Variants in ZNF469 observed in about 807,000 individuals in gnomAD.
ZNF469 encodes zinc finger protein 469.
ZNF469 carries 1 observed loss-of-function variant against 1.0 expected under a neutral mutation model. The ratio of observed to expected loss-of-function variants is 1.00; its 90% CI spans 0.35 to 4.73. The LOEUF is 4.73. ZNF469 is among the 30% of genes most tolerant of loss of function. The pLI, the probability that ZNF469 is intolerant of heterozygous loss-of-function variation, is 0.16. For missense variants in ZNF469, 6,100 were observed against 5,356.3 expected, an observed-to-expected ratio of 1.14 and a Z score of -4.33; for synonymous variants, 2,703 against 2,363.4, an observed-to-expected ratio of 1.14 and a Z score of -4.17.
At chr16:88,204,357 T>C in the ZNF469 span, among the ~76,000 whole-genome samples, 1 of 152,198 alleles carries the variant, frequency 6.6e-6, no homozygotes, top group African/African-American at 2.4e-5. Flanking sequence ...AGGCCTTGTC[T>C]GTTTTTCTGG....
the ZNF469 span, among the ~76,000 whole-genome samples, chr16:88,118,655 C>T: frequency 6.6e-6 from 1 of 152,208 alleles, no homozygotes; most frequent in African/African-American, 2.4e-5. Context: ...CTCAGATTCC[C>T]GACTCTACGG....
the ZNF469 span, among the ~76,000 whole-genome samples, chr16:88,298,419 G>A: frequency 6.6e-6 from 1 of 152,206 alleles, no homozygotes; most frequent in Non-Finnish European, 1.5e-5. Flanking sequence ...TGTTCACTGA[G>A]TTCCAAGAGA....
At chr16:88,163,523 TG>T in the ZNF469 span, among the ~76,000 whole-genome samples, 2 of 150,762 alleles carry the variant, frequency 1.3e-5, no homozygotes, top group Non-Finnish European at 3.0e-5. Context: ...GATGGATGGA[TG>T]GATGGATGGA....
chr16:88,132,996 A>G, the ZNF469 span, among the ~76,000 whole-genome samples: 2 of 152,220 alleles, frequency 1.3e-5, no homozygotes, highest in Non-Finnish European at 2.9e-5. Context: ...TGCGGTGGGC[A>G]TGCTGGGAGA....
At position 88,433,585 on chromosome 16, in the gene ZNF469, T is replaced by G. The variant is rs1375255779; in HGVS notation, c.6115T>G (p.Cys2039Gly). The change falls in exon 3 of 3, where the codon TGC becomes GGC. Residue 2039 changes from cysteine to glycine, a missense_variant. Coordinates refer to ENST00000565624, the MANE Select transcript of ZNF469 (RefSeq NM_001367624.2). ...PTEGAVLLEK[C>G]KGSRAAMSLQ... ...CGAGGGTGCAGTCCTGCTAGAGAAA[T>G]GCAAGGGAAGCAGGGCAGCCATGAG... 1 of 1,550,078 alleles carries G rather than the reference T, an allele frequency of 6.5e-7. No homozygotes were observed. Among genetic ancestry groups the G allele is most frequent in the East Asian group, 2.4e-5 (1 of 40,898 alleles).
At chr16:88,195,675 C>G in the ZNF469 span, among the ~76,000 whole-genome samples, 1 of 152,126 alleles carries the variant, frequency 6.6e-6, no homozygotes, top group Non-Finnish European at 1.5e-5. Context: ...GGCAGATGGA[C>G]GTTTGAAGAA....
the ZNF469 span, among the ~76,000 whole-genome samples, chr16:88,231,704 G>A: frequency 6.6e-6 from 1 of 151,948 alleles, no homozygotes; most frequent in Middle Eastern, 3.2e-3. The surrounding 1 kb of genome is among the most constrained non-coding windows in gnomAD (Gnocchi z 4.5). Context: ...CTCCTCCTGT[G>A]AGCCCCCCGC....
the ZNF469 span, among the ~76,000 whole-genome samples, chr16:88,220,308 G>T: frequency 6.6e-6 from 1 of 152,150 alleles, no homozygotes; most frequent in Non-Finnish European, 1.5e-5. Context: ...GTGTGCAGCC[G>T]GTGTGACGCC....
the ZNF469 span, among the ~76,000 whole-genome samples, chr16:88,317,955 G>A: frequency 7.9e-5 from 12 of 152,342 alleles, no homozygotes; most frequent in South Asian, 4.1e-4. Context: ...TGAGGTCCCC[G>A]TGCCTTGGCA....
chr16:88,430,476 C>A lies in ZNF469; in HGVS notation c.3006C>A (p.Pro1002=). 1 of 1,444,054 alleles carries A rather than the reference C, an allele frequency of 6.9e-7. No individual in the cohort carries two copies. Among genetic ancestry groups the A allele is most frequent in the Non-Finnish European group, 9.0e-7 (1 of 1,108,558 alleles). The allele number at this position is 1,444,054 out of a possible 1,614,324, so 89.5% of individuals were successfully genotyped here. Residue 1002 remains proline (P), a synonymous_variant, in exon 3 of 3, where the codon CCC becomes CCA. Coordinates refer to ENST00000565624, the MANE Select transcript of ZNF469 (RefSeq NM_001367624.2). ...PRPRRPRTQA[P]GSRADPAPRV... Reference sequence around the variant, plus strand: ...CCCGGCGCCCTAGAACGCAGGCCCCCGGGAGCCGCGCAGACCCCGCGCCCC... The same window carrying A: ...CCCGGCGCCCTAGAACGCAGGCCCCAGGGAGCCGCGCAGACCCCGCGCCCC...
chr16:88,393,714 T>C (rs988688668), intron 1 of ZNF469, among the ~76,000 whole-genome samples: 1 of 152,202 alleles, frequency 6.6e-6, no homozygotes, highest in Non-Finnish European at 1.5e-5. Context: ...GTATCACAAG[T>C]CCTGCCTTCA....
chr16:88,387,700 C>T (rs993816548), intron 1 of ZNF469, among the ~76,000 whole-genome samples: 1 of 152,146 alleles, frequency 6.6e-6, no homozygotes, highest in Admixed American at 6.5e-5. Flanking sequence ...CGAGGAGAGC[C>T]CGCAGGCCAG....
Position 88,432,282 on chromosome 16 carries a change from G to A in ZNF469, c.4812G>A (p.Glu1604=). Residue 1604 remains glutamate, a synonymous_variant, in exon 3 of 3, where the codon GAG becomes GAA. Transcript: ENST00000565624. ...GGGTGGAGCTCGGCACAGGCACAGAGCCACCCTCCCAACGGCGCACCTGCC... is the reference window on the plus strand; with the variant it reads ...GGGTGGAGCTCGGCACAGGCACAGAACCACCCTCCCAACGGCGCACCTGCC... ...VGRVELGTGT[E]PPSQRRTCQA... The A allele has an allele frequency of 6.5e-7, 1 of 1,547,158 alleles. No individual in the cohort carries two copies. The highest frequency in any genetic ancestry group is 2.4e-5 in the East Asian group (1 of 40,924).
chr16:88,240,378 AAG>A, the ZNF469 span, among the ~76,000 whole-genome samples: 1 of 152,180 alleles, frequency 6.6e-6, no homozygotes. Context: ...GAGGCAGAGA[AAG>A]AGCATGGTGG....
the ZNF469 span, among the ~76,000 whole-genome samples, chr16:88,241,858 G>T: frequency 6.6e-6 from 1 of 152,292 alleles, no homozygotes; most frequent in East Asian, 1.9e-4. The surrounding 1 kb of genome is among the most constrained non-coding windows in gnomAD (Gnocchi z 4.8). Flanking sequence ...TCAGGGCCCC[G>T]TGGAGACTCA....
the ZNF469 span, among the ~76,000 whole-genome samples, chr16:88,193,000 G>T: frequency 7.4e-6 from 1 of 134,598 alleles, no homozygotes; most frequent in Non-Finnish European, 1.6e-5. Context: ...GGTGGTGGTG[G>T]TGATGGTGGT....
the ZNF469 span, among the ~76,000 whole-genome samples, chr16:88,330,218 G>A: frequency 9.2e-5 from 14 of 152,222 alleles, no homozygotes; most frequent in South Asian, 2.1e-4. Context: ...ACTTGCACAC[G>A]GGACCTGTGG....
At chr16:88,179,967 T>G in the ZNF469 span, among the ~76,000 whole-genome samples, 1 of 152,180 alleles carries the variant, frequency 6.6e-6, no homozygotes, top group African/African-American at 2.4e-5. Flanking sequence ...AGCTGTAACT[T>G]TATCATAAGC....
chr16:88,243,539 T>A, the ZNF469 span, among the ~76,000 whole-genome samples: 5 of 152,140 alleles, frequency 3.3e-5, no homozygotes, highest in Non-Finnish European at 7.4e-5. Flanking sequence ...ACAAGCGAAC[T>A]TGGGTTCCCA....
Sources: gnomAD v4.1 joint callset for allele counts (sites outside exome capture counted in the v4.1 genomes callset) on GRCh38, gnomAD v4.1.1 for gene constraint, Gnocchi (gnomAD v3.1) non-coding constraint, MANE v1.5 for transcripts, NCBI Gene and HGNC (gene_info 2026-07-23, HGNC 2026-07-21) for gene names.